Variants in TBCK observed in about 807,000 individuals in gnomAD.
TBCK encodes TBC1 domain containing kinase.
TBCK carries 99 observed loss-of-function variants against 113.4 expected under a neutral mutation model. The ratio of observed to expected loss-of-function variants is 0.87; its 90% CI spans 0.74 to 1.03. The LOEUF (loss-of-function observed/expected upper bound fraction) is 1.03. TBCK is among the 50% of genes least tolerant of loss of function. The probability of loss-of-function intolerance (pLI) is 0.00; values close to 1 mark genes in which losing one functional copy is unlikely to be tolerated. For synonymous variants in TBCK, 369 were observed against 370.8 expected, an observed-to-expected ratio of 1.00 and a Z score of 0.05; for missense variants, 1,045 against 1,061.3, an observed-to-expected ratio of 0.98 and a Z score of 0.21.
intron 25 of TBCK, among the ~76,000 whole-genome samples, chr4:106,093,036 A>T (rs747693749): frequency 1.3e-5 from 2 of 152,228 alleles, no homozygotes; most frequent in Non-Finnish European, 2.9e-5. Context: ...CATGTGTGTT[A>T]CTATTTTCTG....
intron 20 of TBCK, among the ~76,000 whole-genome samples, chr4:106,201,269 C>G (rs1754860867): frequency 6.6e-6 from 1 of 151,750 alleles, no homozygotes; most frequent in African/African-American, 2.4e-5. Flanking sequence ...CTATATTTCT[C>G]CCGTTTAAAA....
At chr4:106,111,430 C>T (rs139153868) in intron 24 of TBCK, among the ~76,000 whole-genome samples, 109 of 152,288 alleles carry the variant, frequency 7.2e-4, no homozygotes, top group African/African-American at 2.4e-3. Context: ...ATTCCCCTTG[C>T]AGAACGGGAC....
chr4:106,054,212 C>T (rs989821520), intron 25 of TBCK, among the ~76,000 whole-genome samples: 1 of 151,768 alleles, frequency 6.6e-6, no homozygotes, highest in South Asian at 2.1e-4. Context: ...TCCCAACTCC[C>T]CAACTCCCCA....
chr4:106,189,362 A>AAAAAAG (rs147343707), intron 22 of TBCK, among the ~76,000 whole-genome samples: 1 of 148,100 alleles, frequency 6.8e-6, no homozygotes. Context: ...AAAAAAAAGA[A>AAAAAAG]AAATAGACAT....
intron 5 of TBCK, among the ~76,000 whole-genome samples, chr4:106,257,904 T>C (rs1019956758): frequency 1.1e-4 from 16 of 152,088 alleles, no homozygotes; most frequent in African/African-American, 3.9e-4. Flanking sequence ...GGTATACTTT[T>C]ATCATCACCA....
chr4:106,142,597 T>G (rs893430283), intron 23 of TBCK, among the ~76,000 whole-genome samples: 7 of 152,154 alleles, frequency 4.6e-5, no homozygotes, highest in African/African-American at 1.7e-4. Flanking sequence ...ATATAACAAC[T>G]GTGTCTGTTG....
intron 6 of TBCK, 125 bp downstream of exon 6, chr4:106,251,741 C>A: frequency 1.1e-6 from 1 of 888,308 alleles, no homozygotes. Context: ...CAAATTAAGC[C>A]TTTTCTCCTC....
intron 1 of TBCK, among the ~76,000 whole-genome samples, chr4:106,314,572 A>G (rs1235481669): frequency 6.6e-6 from 1 of 151,574 alleles, no homozygotes. Context: ...GACAGGTGAG[A>G]CAGTTGCACT....
intron 23 of TBCK, among the ~76,000 whole-genome samples, chr4:106,139,210 A>G (rs1443228058): frequency 7.1e-6 from 1 of 140,978 alleles, no homozygotes; most frequent in African/African-American, 2.5e-5. Context: ...CTCTGGCCAG[A>G]CACTTATTCC....
At chr4:106,186,268 T>C (rs1300904681) in intron 22 of TBCK, among the ~76,000 whole-genome samples, 1 of 152,144 alleles carries the variant, frequency 6.6e-6, no homozygotes, top group Non-Finnish European at 1.5e-5. Context: ...ATTGTTGGGT[T>C]GAATGGAAGC....
At chr4:106,215,754 C>T (rs537372839) in intron 19 of TBCK, among the ~76,000 whole-genome samples, 2,671 of 151,218 alleles carry the variant, frequency 0.018, 71 homozygotes, top group African/African-American at 0.059. Context: ...TAGACTCCCA[C>T]ACATTAATAA....
intron 2 of TBCK, among the ~76,000 whole-genome samples, chr4:106,300,683 C>T (rs1265215977): frequency 2.0e-5 from 3 of 152,142 alleles, no homozygotes; most frequent in Non-Finnish European, 4.4e-5. Context: ...CAATCAAATA[C>T]TAATCTAGAT....
chr4:106,221,324 C>CAT (rs1254118907), intron 19 of TBCK, among the ~76,000 whole-genome samples: 2 of 151,994 alleles, frequency 1.3e-5, no homozygotes, highest in East Asian at 1.9e-4. Flanking sequence ...ACTGCATATA[C>CAT]ATATATATAC....
intron 23 of TBCK, among the ~76,000 whole-genome samples, chr4:106,134,078 A>G (rs1746283923): frequency 6.6e-6 from 1 of 152,158 alleles, no homozygotes; most frequent in Non-Finnish European, 1.5e-5. Context: ...TAAGGCAGGT[A>G]ACATCTTTCA....
At chr4:106,279,699 C>T (rs1388505173) in intron 3 of TBCK, among the ~76,000 whole-genome samples, 2 of 152,108 alleles carry the variant, frequency 1.3e-5, no homozygotes, top group Non-Finnish European at 2.9e-5. Flanking sequence ...CTTTCTGTCC[C>T]TGGCTTATAT....
chr4:106,127,654 T>C (rs1424843411), intron 23 of TBCK, among the ~76,000 whole-genome samples: 2 of 152,018 alleles, frequency 1.3e-5, no homozygotes, highest in African/African-American at 2.4e-5. Context: ...GGTGTGTTCA[T>C]GTGTGTGTGT....
At chr4:106,123,539 A>G (rs1406024756) in intron 23 of TBCK, among the ~76,000 whole-genome samples, 1 of 152,166 alleles carries the variant, frequency 6.6e-6, no homozygotes, top group African/African-American at 2.4e-5. Flanking sequence ...GTTCATATGG[A>G]ACCAAAAAAG....
intron 24 of TBCK, among the ~76,000 whole-genome samples, chr4:106,111,288 T>C (rs952898258): frequency 6.6e-6 from 1 of 152,220 alleles, no homozygotes; most frequent in African/African-American, 2.4e-5. Flanking sequence ...ATGGAGACTT[T>C]TGCATGACTT....
chr4:106,264,993 C>T (rs920547584), intron 3 of TBCK, among the ~76,000 whole-genome samples: 1 of 151,834 alleles, frequency 6.6e-6, no homozygotes, highest in Admixed American at 6.6e-5. Context: ...GTCACTCTTC[C>T]CTGGGAAGTT....
Sources: gnomAD v4.1 joint callset for allele counts (sites outside exome capture counted in the v4.1 genomes callset) on GRCh38, gnomAD v4.1.1 for gene constraint, MANE v1.5 for transcripts, NCBI Gene and HGNC (gene_info 2026-07-23, HGNC 2026-07-21) for gene names.